CTNNA2: variants seen among roughly 807,000 people sequenced by gnomAD.
CTNNA2 encodes the protein catenin alpha-2.
Under a neutral mutation model 101.0 loss-of-function variants are expected in CTNNA2, and 42 were observed. That is an observed-to-expected ratio of 0.42 (90% CI 0.32 to 0.54). The LOEUF is 0.54. Among genes scored for constraint, CTNNA2 ranks in the 20% least tolerant of loss-of-function variants. The pLI is 0.14. For missense variants in CTNNA2, 871 were observed against 1,223.1 expected, an observed-to-expected ratio of 0.71 and a Z score of 4.29; for synonymous variants, 450 against 456.4, an observed-to-expected ratio of 0.99 and a Z score of 0.18.
intron 7 of CTNNA2, among the ~76,000 whole-genome samples, chr2:80,179,474 C>T (rs368197769): frequency 7.0e-4 from 107 of 152,124 alleles, no homozygotes; most frequent in African/African-American, 2.2e-3. Flanking sequence ...CCCAGGTTCA[C>T]GCCATTCTCC....
At chr2:80,581,874 T>C in intron 14 of CTNNA2, 55 bp downstream of exon 14, 1 of 1,046,692 alleles carries the variant, frequency 9.6e-7, no homozygotes, top group Non-Finnish European at 1.5e-6. Flanking sequence ...TTTACTAAAA[T>C]GGTTTGAGGG....
rs535069777 is a variant in CTNNA2, at chr2:80,101,919, G to A, written c.1056+192122G>A. Among the ~76,000 whole-genome samples the A allele has an allele frequency of 9.9e-5, 15 of 152,262 alleles. No individual in the cohort carries two copies. In the East Asian group the frequency reaches 1.2e-3, roughly 12 times the overall value. Reference sequence around the variant, plus strand: ...CCTAGGGTTCTAGGGGTGACTGAACGTCCTAGACTAGGGAAGTCTGCTCTT... The same window carrying A: ...CCTAGGGTTCTAGGGGTGACTGAACATCCTAGACTAGGGAAGTCTGCTCTT... On this transcript the variant is annotated intron_variant, in intron 7 of 18. Coordinates refer to ENST00000402739, the MANE Select transcript of CTNNA2 (RefSeq NM_001282597.3).
intron 17 of CTNNA2, among the ~76,000 whole-genome samples, chr2:80,618,345 T>C (rs1699020710): frequency 6.6e-6 from 1 of 151,862 alleles, no homozygotes; most frequent in African/African-American, 2.4e-5. Flanking sequence ...AGATGAACTC[T>C]AACTACTCCT....
At chr2:79,973,812 G>A (rs1314715234) in intron 7 of CTNNA2, among the ~76,000 whole-genome samples, 2 of 152,212 alleles carry the variant, frequency 1.3e-5, no homozygotes, top group Non-Finnish European at 2.9e-5. Context: ...CGAAACCAGT[G>A]TAAGGTTGGA....
At chr2:79,819,892 C>T (rs909508839) in intron 3 of CTNNA2, among the ~76,000 whole-genome samples, 5 of 151,606 alleles carry the variant, frequency 3.3e-5, no homozygotes, top group African/African-American at 9.7e-5. Flanking sequence ...ATCACATGTA[C>T]CCTATAAATA....
intron 4 of CTNNA2, among the ~76,000 whole-genome samples, chr2:79,390,165 A>G (rs1274856627): frequency 1.3e-5 from 2 of 152,158 alleles, no homozygotes; most frequent in African/African-American, 4.8e-5. Context: ...TTTGGAAACT[A>G]ATTAAGTTTG....
At chr2:79,456,797 A>G (rs1670826490) in intron 4 of CTNNA2, among the ~76,000 whole-genome samples, 1 of 152,220 alleles carries the variant, frequency 6.6e-6, no homozygotes, top group South Asian at 2.1e-4. Flanking sequence ...GAACAGAGCA[A>G]TTTCATGTTT....
At chr2:80,014,713 T>C (rs1009812618) in intron 7 of CTNNA2, among the ~76,000 whole-genome samples, 1 of 152,192 alleles carries the variant, frequency 6.6e-6, no homozygotes, top group Non-Finnish European at 1.5e-5. Flanking sequence ...CTTTTCTTCT[T>C]TCATAAATAT....
intron 1 of CTNNA2, among the ~76,000 whole-genome samples, chr2:79,638,836 T>C (rs1031693548): frequency 6.6e-6 from 1 of 152,234 alleles, no homozygotes; most frequent in Non-Finnish European, 1.5e-5. Context: ...TAATTAAGTA[T>C]TTTTATAACC....
chr2:79,521,164 AT>A (rs1672101158), intron 1 of CTNNA2, among the ~76,000 whole-genome samples: 2 of 85,578 alleles, frequency 2.3e-5, no homozygotes, highest in African/African-American at 9.2e-5. Flanking sequence ...ATATATATAT[AT>A]ATAAATTTTA....
At chr2:79,649,590 C>T (rs185813420) in intron 1 of CTNNA2, among the ~76,000 whole-genome samples, 250 of 152,236 alleles carry the variant, frequency 1.6e-3, no homozygotes, top group African/African-American at 5.1e-3. Flanking sequence ...TGTTGCCCAG[C>T]GGCAGAATTC....
At chr2:80,327,962 C>T (rs1396788785) in intron 7 of CTNNA2, among the ~76,000 whole-genome samples, 5 of 152,126 alleles carry the variant, frequency 3.3e-5, no homozygotes, top group East Asian at 3.9e-4. Context: ...GTTACTTTCT[C>T]TGTTTTCCCA....
At chr2:80,289,552 C>A (rs1016524986) in intron 7 of CTNNA2, among the ~76,000 whole-genome samples, 1 of 152,176 alleles carries the variant, frequency 6.6e-6, no homozygotes, top group African/African-American at 2.4e-5. Context: ...ATAAACATAA[C>A]ATGTCACTCT....
At chr2:80,368,867 G>GTATATATA (rs1553505682) in intron 7 of CTNNA2, among the ~76,000 whole-genome samples, 13,954 of 144,462 alleles carry the variant, frequency 0.097, 988 homozygotes, top group East Asian at 0.33. Context: ...GTGTGTGTGT[G>GTATATATA]TATATATATA....
At chr2:80,377,493 G>A (rs1425720934) in intron 7 of CTNNA2, among the ~76,000 whole-genome samples, 1 of 152,302 alleles carries the variant, frequency 6.6e-6, no homozygotes, top group Non-Finnish European at 1.5e-5. Context: ...AAATTGCCCA[G>A]CCTCACACAG....
chr2:80,194,068 A>G (rs1285054743), intron 7 of CTNNA2, among the ~76,000 whole-genome samples: 2 of 152,206 alleles, frequency 1.3e-5, no homozygotes. Flanking sequence ...AATTAAGGTT[A>G]TCTTTAGACT....
chr2:80,020,993 CTTTTTTTTTTTTTTTT>C (rs869061321), intron 7 of CTNNA2, among the ~76,000 whole-genome samples: 3 of 89,352 alleles, frequency 3.4e-5, no homozygotes. Context: ...GACCAATCAT[CTTTTTTTTTTTTTTTT>C]TTTTTTTTTT....
intron 15 of CTNNA2, among the ~76,000 whole-genome samples, chr2:80,590,606 A>G (rs1383763716): frequency 6.6e-6 from 1 of 152,266 alleles, no homozygotes; most frequent in East Asian, 1.9e-4. Flanking sequence ...AATTGATTAT[A>G]AGTTATAATT....
At chr2:80,226,684 C>T (rs1001987519) in intron 7 of CTNNA2, among the ~76,000 whole-genome samples, 10 of 152,188 alleles carry the variant, frequency 6.6e-5, no homozygotes, top group African/African-American at 1.7e-4. Context: ...GAAGCCTTTT[C>T]GTACAGGAAG....
Sources: allele counts gnomAD v4.1 joint callset (sites outside exome capture counted in the v4.1 genomes callset), GRCh38; gene constraint gnomAD v4.1.1; transcripts MANE v1.5; gene names NCBI Gene and HGNC (gene_info 2026-07-23, HGNC 2026-07-21).